EFCAB13: variants seen among roughly 807,000 people sequenced by gnomAD.
EFCAB13 encodes EF-hand calcium-binding domain-containing protein 13.
Under a neutral mutation model 110.2 loss-of-function variants are expected in EFCAB13, and 91 were observed. The ratio of observed to expected loss-of-function variants is 0.83; its 90% CI spans 0.70 to 0.98. The LOEUF (loss-of-function observed/expected upper bound fraction) is 0.98. Ranked by LOEUF, EFCAB13 falls within the 50% of genes least tolerant of loss-of-function variation. The pLI is 0.00. For missense variants in EFCAB13, 968 were observed against 1,119.4 expected, an observed-to-expected ratio of 0.86 and a Z score of 1.93; for synonymous variants, 323 against 369.9, an observed-to-expected ratio of 0.87 and a Z score of 1.45.
At chr17:47,426,980 T>C (rs899439003) in intron 23 of EFCAB13, among the ~76,000 whole-genome samples, 4 of 152,164 alleles carry the variant, frequency 2.6e-5, no homozygotes, top group Non-Finnish European at 5.9e-5. Flanking sequence ...TGTGGATTAC[T>C]ATAGAAATTA....
chr17:47,335,264 T>A lies in EFCAB13; in HGVS notation c.99T>A (p.Thr33=). Residue 33 remains threonine, a synonymous_variant, in exon 5 of 25, where the codon ACT becomes ACA. Transcript: ENST00000331493. ...TTGCAACTGACTTGTCATCAGGAACTATTAACCACAAGAAATACATCAAGT... is the reference window on the plus strand; with the variant it reads ...TTGCAACTGACTTGTCATCAGGAACAATTAACCACAAGAAATACATCAAGT... ...NSFATDLSSG[T]INHKKYIKFS... 1 of 1,611,836 alleles carries A rather than the reference T, an allele frequency of 6.2e-7. No individual in the cohort carries two copies.
rs78865644 is a variant in EFCAB13 at position 47,361,422 on chromosome 17, C to T, written c.706C>T (p.Arg236Ter). 15,356 of 1,613,472 alleles carry T rather than the reference C, an allele frequency of 9.5e-3. 90 individuals carry two copies. The highest frequency in any genetic ancestry group is 0.012 in the Middle Eastern group (75 of 6,054). ...LKIFCRIKGG[R>*]VSTDDVFAVL... ...GATTTTCTGTAGGATAAAAGGTGGTCGAGTTTCAACTGATGACGTGTTTGC... is the reference window on the plus strand; with the variant it reads ...GATTTTCTGTAGGATAAAAGGTGGTTGAGTTTCAACTGATGACGTGTTTGC... The change falls in exon 10 of 25, where the codon CGA becomes TGA. Residue 236 changes from arginine (R) to a stop codon, truncating the protein, a stop_gained. Coordinates refer to ENST00000331493, the MANE Select transcript of EFCAB13 (RefSeq NM_152347.5). LOFTEE classifies it high-confidence loss of function.
chr17:47,379,309 G>T, intron 14 of EFCAB13, 56 bp downstream of exon 14: 2 of 1,386,870 alleles, frequency 1.4e-6, no homozygotes, highest in African/African-American at 1.4e-5. Flanking sequence ...GTGTTGAGAA[G>T]AATTAGGTTC....
Position 47,374,815 on chromosome 17 carries a change from A to G in EFCAB13, c.1221A>G (p.Pro407=), listed in dbSNP as rs562707283. ...KGEIHDSKSK[P]QSLKSSTSLS... ...AAATTCATGACTCAAAGTCTAAACC[A>G]CAAAGCTTGAAGAGTAGTACAAGCC... is the stretch of plus-strand genomic sequence containing the variant. The change falls in exon 12 of 25, where the codon CCA becomes CCG. Residue 407 remains proline (P), a synonymous_variant. Coordinates refer to ENST00000331493, the MANE Select transcript of EFCAB13 (RefSeq NM_152347.5). 504 of 1,614,116 alleles carry G rather than the reference A, an allele frequency of 3.1e-4. 5 individuals carry two copies. In the South Asian group the frequency reaches 5.3e-3, roughly 17 times the overall value.
chr17:47,379,068 A>C (rs2065631776), intron 13 of EFCAB13, 114 bp from the exon 14 acceptor site: 1 of 700,888 alleles, frequency 1.4e-6, no homozygotes, highest in Non-Finnish European at 2.5e-6. Context: ...AAGGAGAAAT[A>C]GGATGATGAA....
chr17:47,351,012 C>A (rs556807999), intron 9 of EFCAB13, among the ~76,000 whole-genome samples: 1 of 151,954 alleles, frequency 6.6e-6, no homozygotes, highest in African/African-American at 2.4e-5. Flanking sequence ...AACCATTATT[C>A]GAATAGTTAT....
chr17:47,399,228 C>G (rs2065766295), intron 17 of EFCAB13, among the ~76,000 whole-genome samples: 1 of 152,156 alleles, frequency 6.6e-6, no homozygotes, highest in Admixed American at 6.5e-5. Flanking sequence ...GTTTATTATT[C>G]TGTACTTATG....
intron 24 of EFCAB13, among the ~76,000 whole-genome samples, chr17:47,439,177 T>TG (rs202067122): frequency 0.022 from 2,816 of 126,934 alleles, 88 homozygotes; most frequent in East Asian, 0.2. Context: ...TTTTGTTTTT[T>TG]TTTTTTTTTT....
At chr17:47,372,935 T>G (rs1465708734) in intron 11 of EFCAB13, among the ~76,000 whole-genome samples, 1 of 152,160 alleles carries the variant, frequency 6.6e-6, no homozygotes, top group African/African-American at 2.4e-5. Flanking sequence ...GCATTTGGCC[T>G]TCCTGTACCT....
rs561962695 is a variant in EFCAB13 at position 47,399,350 on chromosome 17, T to C, written c.1946-2782T>C. 1.2e-3 allele frequency among the ~76,000 whole-genome samples: 177 copies of C among 152,346 alleles called. 1 individual carries two copies. Among genetic ancestry groups the C allele is most frequent in the Non-Finnish European group, 2.2e-3 (149 of 68,030 alleles). Reference sequence around the variant, plus strand: ...TGTCATATCATTTCTTCTTTTAACATTGTGCACTTAGTACAAAGGTATTTA... The same window carrying C: ...TGTCATATCATTTCTTCTTTTAACACTGTGCACTTAGTACAAAGGTATTTA... On this transcript the variant is annotated intron_variant, in intron 17 of 24. Transcript: ENST00000331493.
intron 24 of EFCAB13, 100 bp from the exon 25 acceptor site, chr17:47,440,331 C>G (rs752237781): frequency 4.0e-6 from 5 of 1,236,078 alleles, no homozygotes; most frequent in Non-Finnish European, 4.3e-6. Context: ...TACTCTCAAG[C>G]TTTTAACTTC....
chr17:47,431,276 A>G lies in EFCAB13; in HGVS notation c.2638+1315A>G, dbSNP rs558521465. Among the ~76,000 whole-genome samples the G allele has an allele frequency of 4.0e-5, 6 of 148,694 alleles. No homozygotes were observed. Among genetic ancestry groups the G allele is most frequent in the Admixed American group, 6.7e-5 (1 of 14,956 alleles). On this transcript the variant is annotated intron_variant, in intron 24 of 24. Transcript: ENST00000331493. The surrounding 1 kb of genome is among the most constrained non-coding windows in gnomAD (Gnocchi z 4.1). ...TCCTTCCGCCTATATCCTAACATCTATTTTTTCTTTGTTTTTTTTTAACTC... is the reference window on the plus strand; with the variant it reads ...TCCTTCCGCCTATATCCTAACATCTGTTTTTTCTTTGTTTTTTTTTAACTC...
intron 9 of EFCAB13, among the ~76,000 whole-genome samples, chr17:47,348,356 C>T (rs1053046074): frequency 6.6e-6 from 1 of 151,986 alleles, no homozygotes; most frequent in Non-Finnish European, 1.5e-5. Flanking sequence ...TCTGTTTTCC[C>T]CAACCTGAGG....
intron 10 of EFCAB13, among the ~76,000 whole-genome samples, chr17:47,365,120 TTTGA>T (rs1383991418): frequency 4.6e-5 from 7 of 152,212 alleles, no homozygotes; most frequent in African/African-American, 1.2e-4. Flanking sequence ...TGTATTTTTG[TTTGA>T]TTGACATTGA....
rs2065298732 is a variant in EFCAB13 at position 47,328,212 on chromosome 17, T to C, written c.-85-57T>C. The C allele has an allele frequency of 6.4e-6, 5 of 777,350 alleles. No homozygotes were observed. The Admixed American group carries it at 8.5e-5, about 13-fold the overall frequency. 48.2% of individuals were successfully genotyped at this position (777,350 alleles called of 1,614,324 possible). On this transcript the variant is annotated intron_variant, in intron 3 of 24. Transcript: ENST00000331493. ...AGAGATAACTTCAGGTAGGTAAATA[T>C]AATTGCTTAAGTGTTCTAAACAAGC...
chr17:47,384,426 G>GTT (rs776025324), intron 14 of EFCAB13, among the ~76,000 whole-genome samples: 4 of 139,580 alleles, frequency 2.9e-5, no homozygotes, highest in Admixed American at 2.1e-4. Context: ...ATATACGACT[G>GTT]TTTTTTTTTT....
chr17:47,403,243 ATGC>A (rs2033203375), intron 18 of EFCAB13, among the ~76,000 whole-genome samples: 2 of 152,302 alleles, frequency 1.3e-5, no homozygotes, highest in East Asian at 3.9e-4. Context: ...TATATGTCTA[ATGC>A]TATCTTAAGT....
Position 47,374,536 on chromosome 17 carries a change from A to G in EFCAB13, c.942A>G (p.Gly314=), listed in dbSNP as rs1468478987. Residue 314 remains glycine (G), a synonymous_variant, in exon 12 of 25, where the codon GGA becomes GGG. Transcript: ENST00000331493. ...TSDRKLSSVA[G]CYLKYKKKNS... ...ACAGAAAGTTATCAAGTGTAGCAGG[A>G]TGCTATCTAAAATATAAGAAGAAAA... 2 of 1,579,958 alleles carry G rather than the reference A, an allele frequency of 1.3e-6. No homozygotes were observed. Among genetic ancestry groups the G allele is most frequent in the African/African-American group, 2.7e-5 (2 of 72,846 alleles).
chr17:47,344,225 A>C lies in EFCAB13; in HGVS notation c.367A>C (p.Lys123Gln). Residue 123 changes from lysine (K) to glutamine (Q), a missense_variant, in exon 7 of 25, where the codon AAG (lysine) becomes CAG (glutamine). Coordinates refer to ENST00000331493, the MANE Select transcript of EFCAB13 (RefSeq NM_152347.5). ...KVTRKENSLCKLPNQYSVHKT... is the reference protein window; with the variant it reads ...KVTRKENSLCQLPNQYSVHKT... ...GACAAGGAAAGAAAACTCTTTATGC[A>C]AGTTGCCGAATCAGTACAGCGTTCA... The C allele has an allele frequency of 6.2e-7, 1 of 1,613,354 alleles. No individual in the cohort carries two copies. Among genetic ancestry groups the C allele is most frequent in the Non-Finnish European group, 8.5e-7 (1 of 1,179,428 alleles).
Sources: allele counts gnomAD v4.1 joint callset (sites outside exome capture counted in the v4.1 genomes callset), GRCh38; gene constraint gnomAD v4.1.1; non-coding constraint Gnocchi (gnomAD v3.1); transcripts MANE v1.5; gene names NCBI Gene and HGNC (gene_info 2026-07-23, HGNC 2026-07-21).